The following MAP2K6 variants were observed in gnomAD, a reference collection of about 807,000 sequenced individuals.
The protein encoded by MAP2K6 is dual specificity mitogen-activated protein kinase kinase 6.
Under a neutral mutation model 53.7 loss-of-function variants are expected in MAP2K6, and 16 were observed. The ratio of observed to expected loss-of-function variants is 0.30; its 90% CI spans 0.20 to 0.45. The LOEUF (loss-of-function observed/expected upper bound fraction) is 0.45, where lower values mean the gene tolerates loss of function less well. Ranked by LOEUF, MAP2K6 falls within the 20% of genes least tolerant of loss-of-function variation. The pLI, the probability that MAP2K6 is intolerant of heterozygous loss-of-function variation, is 1.00. For missense variants in MAP2K6, 204 were observed against 411.9 expected (o/e 0.50, Z 4.37); for synonymous variants, 132 against 143.1 (o/e 0.92, Z 0.55).
chr17:69,522,718 C>T (rs1910543554), intron 7 of MAP2K6, among the ~76,000 whole-genome samples: 1 of 152,156 alleles, frequency 6.6e-6, no homozygotes, highest in Non-Finnish European at 1.5e-5. Context: ...ATCCTTTACA[C>T]TATGTGACCT....
chr17:69,481,540 G>A (rs1405223222), intron 1 of MAP2K6, among the ~76,000 whole-genome samples: 2 of 152,126 alleles, frequency 1.3e-5, no homozygotes, highest in African/African-American at 2.4e-5. Context: ...TAGACTGAGT[G>A]ACTTAAATAA....
At chr17:69,460,454 G>A (rs1907587672) in intron 1 of MAP2K6, among the ~76,000 whole-genome samples, 1 of 152,152 alleles carries the variant, frequency 6.6e-6, no homozygotes, top group African/African-American at 2.4e-5. Flanking sequence ...CAAGCAAGGA[G>A]GAACGTGTTG....
chr17:69,431,095 T>A (rs988215799), intron 1 of MAP2K6, among the ~76,000 whole-genome samples: 2 of 152,156 alleles, frequency 1.3e-5, no homozygotes, highest in Non-Finnish European at 2.9e-5. Context: ...GCTAATTAGG[T>A]CTAATCCTTC....
At position 69,519,355 on chromosome 17, in the gene MAP2K6, C is replaced by T; in HGVS notation, c.289C>T (p.Leu97=). The T allele has an allele frequency of 6.2e-7, 1 of 1,614,076 alleles. No homozygotes were observed. Among genetic ancestry groups the T allele is most frequent in the Non-Finnish European group, 8.5e-7 (1 of 1,179,940 alleles). The change falls in exon 5 of 12, where the codon CTG becomes TTG. Residue 97 remains leucine (L), a synonymous_variant. Coordinates refer to ENST00000590474, the MANE Select transcript of MAP2K6 (RefSeq NM_002758.4). ...TVNSQEQKRL[L]MDLDISMRTV... The stretch of plus-strand genomic sequence containing the variant: ...AAATAGCCAGGAACAGAAACGGCTA[C>T]TGATGGATTTGGATATTTCCATGAG...
At chr17:69,498,629 CCA>C (rs112844153) in intron 1 of MAP2K6, among the ~76,000 whole-genome samples, 1 of 146,298 alleles carries the variant, frequency 6.8e-6, no homozygotes, top group Non-Finnish European at 1.5e-5. Context: ...CGCCTGGAAG[CCA>C]CACACACACA....
In MAP2K6 at chr17:69,493,780, A is replaced by AT. The variant is rs5821715; in HGVS notation, c.17-12000_17-11999insT. ...CATCTCAAGAAAAAAGAAAAAAAAA[A>AT]ATATATGTATACTCAGCTTCATTAA... On this transcript the variant is annotated intron_variant, in intron 1 of 11. Transcript: ENST00000590474. 3.6e-3 allele frequency among the ~76,000 whole-genome samples: 542 copies of AT among 151,498 alleles called. 2 individuals carry two copies. Among genetic ancestry groups the AT allele is most frequent in the Middle Eastern group, 0.014 (4 of 292 alleles).
chr17:69,530,321 ATAAAAT>A (rs1911014462), intron 10 of MAP2K6, among the ~76,000 whole-genome samples: 1 of 152,148 alleles, frequency 6.6e-6, no homozygotes, highest in Non-Finnish European at 1.5e-5. Context: ...CCAAAATAAG[ATAAAAT>A]TAAATAAATA....
intron 1 of MAP2K6, among the ~76,000 whole-genome samples, chr17:69,481,351 T>C (rs1908345319): frequency 6.6e-6 from 1 of 152,212 alleles, no homozygotes; most frequent in Non-Finnish European, 1.5e-5. Context: ...TGAATAATCT[T>C]CCATCATCTG....
At chr17:69,485,458 A>G (rs1908497421) in intron 1 of MAP2K6, 4 of 983,352 alleles carry the variant, frequency 4.1e-6, no homozygotes, top group Non-Finnish European at 4.8e-6. Flanking sequence ...CTACTTCCTC[A>G]GAAGCTTATA....
chr17:69,522,214 C>T (rs1910521184), intron 7 of MAP2K6, among the ~76,000 whole-genome samples: 1 of 152,050 alleles, frequency 6.6e-6, no homozygotes, highest in Non-Finnish European at 1.5e-5. Flanking sequence ...AAATGCCTTC[C>T]ACAGTGTGCC....
chr17:69,482,512 AT>A (rs533571443), intron 1 of MAP2K6, among the ~76,000 whole-genome samples: 185 of 145,472 alleles, frequency 1.3e-3, no homozygotes, highest in Middle Eastern at 3.6e-3. Flanking sequence ...CCATTTGTGT[AT>A]TTTTTTTTTT....
At chr17:69,465,357 C>T (rs1300189005) in intron 1 of MAP2K6, among the ~76,000 whole-genome samples, 1 of 151,952 alleles carries the variant, frequency 6.6e-6, no homozygotes, top group Non-Finnish European at 1.5e-5. Flanking sequence ...TTTTTCCTGC[C>T]CTCTTGCATT....
At chr17:69,509,144 A>G (rs1909680948) in intron 2 of MAP2K6, among the ~76,000 whole-genome samples, 1 of 152,224 alleles carries the variant, frequency 6.6e-6, no homozygotes, top group Non-Finnish European at 1.5e-5. Context: ...GTCCACAGAG[A>G]AACTTACTGA....
At chr17:69,520,160 C>A in intron 5 of MAP2K6, 110 bp from the exon 6 acceptor site, 1 of 633,360 alleles carries the variant, frequency 1.6e-6, no homozygotes. Context: ...CCCCAAAATT[C>A]AAGAAAGAAA....
chr17:69,489,516 T>C (rs1231244632), intron 1 of MAP2K6, among the ~76,000 whole-genome samples: 1 of 152,248 alleles, frequency 6.6e-6, no homozygotes, highest in Non-Finnish European at 1.5e-5. Flanking sequence ...CCCTGAGTTA[T>C]GGCATTGCCT....
At chr17:69,478,568 G>A (rs1908240683) in intron 1 of MAP2K6, among the ~76,000 whole-genome samples, 1 of 152,174 alleles carries the variant, frequency 6.6e-6, no homozygotes, top group Admixed American at 6.5e-5. Flanking sequence ...GAGTAGCTGG[G>A]ATTGCAGGCG....
intron 3 of MAP2K6, 96 bp from the exon 4 acceptor site, chr17:69,517,404 C>T (rs1910205406): frequency 3.3e-6 from 2 of 613,924 alleles, no homozygotes; most frequent in Admixed American, 7.4e-5. Context: ...AGAAATAATC[C>T]TTAGAACATT....
At chr17:69,416,324 A>G (rs1485752064) in intron 1 of MAP2K6, among the ~76,000 whole-genome samples, 1 of 152,172 alleles carries the variant, frequency 6.6e-6, no homozygotes, top group African/African-American at 2.4e-5. Context: ...TTTGAGTATT[A>G]GGGGAGAATG....
intron 11 of MAP2K6, among the ~76,000 whole-genome samples, chr17:69,538,607 G>C (rs1567862076): frequency 6.6e-6 from 1 of 152,064 alleles, no homozygotes; most frequent in African/African-American, 2.4e-5. Flanking sequence ...AAGTATGAAG[G>C]AAAAAAATAA....
Sources: allele counts gnomAD v4.1 joint callset (sites outside exome capture counted in the v4.1 genomes callset), GRCh38; gene constraint gnomAD v4.1.1; transcripts MANE v1.5; gene names NCBI Gene and HGNC (gene_info 2026-07-23, HGNC 2026-07-21).